CHRM5: variants seen among roughly 807,000 people sequenced by gnomAD.
CHRM5 encodes the protein muscarinic acetylcholine receptor M5.
In CHRM5, 18 loss-of-function variants were observed where a neutral mutation model predicts 39.0. The ratio of observed to expected loss-of-function variants is 0.46; its 90% CI spans 0.32 to 0.68. The LOEUF is 0.68. Among genes scored for constraint, CHRM5 ranks in the 30% least tolerant of loss-of-function variants. The pLI, the probability that CHRM5 is intolerant of heterozygous loss-of-function variation, is 0.04. For missense variants in CHRM5, 515 were observed against 651.1 expected (o/e 0.79, Z 2.28); for synonymous variants, 241 against 246.3 (o/e 0.98, Z 0.20).
chr15:34,061,664 A>T (rs991451826), intron 2 of CHRM5, among the ~76,000 whole-genome samples: 1 of 152,216 alleles, frequency 6.6e-6, no homozygotes, highest in Non-Finnish European at 1.5e-5. Context: ...TTTATAAGGA[A>T]TGTATTACTC....
At chr15:33,983,072 C>T (rs1896224091) in intron 1 of CHRM5, among the ~76,000 whole-genome samples, 1 of 151,114 alleles carries the variant, frequency 6.6e-6, no homozygotes, top group African/African-American at 2.4e-5. Flanking sequence ...GGATTTTAGA[C>T]GTGGATATAT....
chr15:33,983,578 G>C (rs1215325706), intron 1 of CHRM5, among the ~76,000 whole-genome samples: 2 of 152,006 alleles, frequency 1.3e-5, no homozygotes, highest in Non-Finnish European at 2.9e-5. Context: ...AACTTTTAAG[G>C]AAAAACAGTA....
intron 1 of CHRM5, chr15:34,006,917 G>A (rs1413952743): frequency 3.4e-6 from 1 of 296,022 alleles, no homozygotes; most frequent in African/African-American, 2.3e-5. Context: ...GCCTCAATAT[G>A]GAGAAAAAGA....
At chr15:34,044,807 T>C (rs1899625757) in intron 1 of CHRM5, among the ~76,000 whole-genome samples, 5 of 152,160 alleles carry the variant, frequency 3.3e-5, no homozygotes, top group Admixed American at 3.3e-4. Context: ...TCCCAGCACT[T>C]TGGGAGGCCG....
chr15:33,995,408 T>TA (rs1270987789), intron 1 of CHRM5, among the ~76,000 whole-genome samples: 1 of 152,196 alleles, frequency 6.6e-6, no homozygotes, highest in Non-Finnish European at 1.5e-5. Context: ...TTAAAGTATA[T>TA]AAAGGAAGGT....
chr15:34,027,379 A>C (rs1415440294), intron 1 of CHRM5, among the ~76,000 whole-genome samples: 5 of 152,050 alleles, frequency 3.3e-5, no homozygotes, highest in African/African-American at 4.8e-5. Context: ...AAAATAAAAA[A>C]ACAGCCAGGC....
intron 1 of CHRM5, among the ~76,000 whole-genome samples, chr15:34,041,754 A>G: frequency 6.6e-6 from 1 of 152,212 alleles, no homozygotes; most frequent in Non-Finnish European, 1.5e-5. Context: ...TCCCTATGAA[A>G]TAAACACTAT....
intron 1 of CHRM5, chr15:33,971,999 A>C (rs1895658597): frequency 6.6e-6 from 1 of 152,118 alleles, no homozygotes; most frequent in Non-Finnish European, 1.5e-5. Flanking sequence ...GAGAGATGTA[A>C]GCACTATTAT....
chr15:34,046,072 C>G (rs1899670414), intron 1 of CHRM5, among the ~76,000 whole-genome samples: 1 of 152,132 alleles, frequency 6.6e-6, no homozygotes, highest in Non-Finnish European at 1.5e-5. Context: ...TCAAAAGGAT[C>G]CACACTCCCA....
chr15:34,027,390 G>A (rs2702278), intron 1 of CHRM5, among the ~76,000 whole-genome samples: 97,026 of 151,398 alleles, frequency 0.64, 36,401 homozygotes, highest in Non-Finnish European at 0.85. Flanking sequence ...ACAGCCAGGC[G>A]TGTTGGTGGG....
chr15:33,989,611 C>T (rs1265804693), intron 1 of CHRM5, among the ~76,000 whole-genome samples: 3 of 152,080 alleles, frequency 2.0e-5, no homozygotes, highest in Admixed American at 6.6e-5. Flanking sequence ...CTACAGCCGT[C>T]CCTTTTCATA....
intron 1 of CHRM5, among the ~76,000 whole-genome samples, chr15:34,021,724 A>G (rs1898207660): frequency 6.6e-6 from 1 of 151,966 alleles, no homozygotes; most frequent in Non-Finnish European, 1.5e-5. Flanking sequence ...ACATGGTGGC[A>G]GGTGCCTGTA....
chr15:33,995,087 T>C (rs1896878826), intron 1 of CHRM5, among the ~76,000 whole-genome samples: 1 of 152,122 alleles, frequency 6.6e-6, no homozygotes, highest in South Asian at 2.1e-4. Flanking sequence ...CACAGCAAGG[T>C]CCTGTCTCTA....
At chr15:33,983,160 A>ATG (rs1491327104) in intron 1 of CHRM5, among the ~76,000 whole-genome samples, 5 of 64,536 alleles carry the variant, frequency 7.7e-5, no homozygotes, top group Non-Finnish European at 1.1e-4. Flanking sequence ...GTGTGTGTGT[A>ATG]TGTGTGTGTG....
intron 2 of CHRM5, among the ~76,000 whole-genome samples, chr15:34,050,962 G>T (rs1298815121): frequency 6.6e-6 from 1 of 152,098 alleles, no homozygotes; most frequent in Non-Finnish European, 1.5e-5. Flanking sequence ...AATTAACAAT[G>T]ATATTCAGGA....
chr15:34,010,097 C>T (rs1462574260), intron 1 of CHRM5, among the ~76,000 whole-genome samples: 1 of 152,034 alleles, frequency 6.6e-6, no homozygotes, highest in Non-Finnish European at 1.5e-5. Context: ...TAGTTAGAAA[C>T]TTCAAGCCCC....
intron 1 of CHRM5, among the ~76,000 whole-genome samples, chr15:33,995,109 A>G (rs1182411588): frequency 6.6e-6 from 1 of 152,150 alleles, no homozygotes; most frequent in African/African-American, 2.4e-5. Context: ...AAAAAAATGA[A>G]GAAATCAGCC....
chr15:33,983,170 G>GTGTGTATATA (rs796742277), intron 1 of CHRM5, among the ~76,000 whole-genome samples: 28 of 126,606 alleles, frequency 2.2e-4, no homozygotes, highest in African/African-American at 5.1e-4. Flanking sequence ...ATGTGTGTGT[G>GTGTGTATATA]TATATATACA....
chr15:34,067,069 C>T lies in CHRM5; in HGVS notation c.*2753C>T, dbSNP rs1900531399. On this transcript the variant is annotated 3_prime_UTR_variant, in exon 3 of 3. Coordinates refer to ENST00000383263, the MANE Select transcript of CHRM5 (RefSeq NM_012125.4). ...GACTTGAGATCTTAGGCCTTCTATG[C>T]CCCCAGTCTTCCAGGCTTTGTCTAT... The T allele has an allele frequency of 6.6e-6, 1 of 152,136 alleles. No homozygotes were observed. Among genetic ancestry groups the T allele is most frequent in the Non-Finnish European group, 1.5e-5 (1 of 68,028 alleles). The allele number at this position is 152,136 out of a possible 1,614,324, so 9.4% of individuals were successfully genotyped here.
Sources: allele counts gnomAD v4.1 joint callset (sites outside exome capture counted in the v4.1 genomes callset), GRCh38; gene constraint gnomAD v4.1.1; transcripts MANE v1.5; gene names NCBI Gene and HGNC (gene_info 2026-07-23, HGNC 2026-07-21).